Variants in EPS8L1 observed in about 807,000 individuals in gnomAD.
EPS8L1 encodes the protein EPS8 signaling adaptor L1.
Under a neutral mutation model 91.7 loss-of-function variants are expected in EPS8L1, and 101 were observed. The observed-to-expected ratio is 1.10, with a 90% confidence interval of 0.94 to 1.30. EPS8L1 has a LOEUF of 1.30. EPS8L1 is among the 50% of genes most tolerant of loss of function. The pLI, the probability that EPS8L1 is intolerant of heterozygous loss-of-function variation, is 0.00. For missense variants in EPS8L1, 1,114 were observed against 1,017.0 expected, an observed-to-expected ratio of 1.10 and a Z score of -1.30; for synonymous variants, 506 against 445.3, an observed-to-expected ratio of 1.14 and a Z score of -1.72.
rs574443771 is a variant in EPS8L1 at position 55,081,691 on chromosome 19, T to A, written c.775-82T>A. 9.1e-6 allele frequency: 14 copies of A among 1,531,598 alleles called. No individual in the cohort carries two copies. The East Asian group carries it at 3.0e-4, about 32-fold the overall frequency. 94.9% of individuals were successfully genotyped at this position (1,531,598 alleles called of 1,614,324 possible). A position where few individuals can be genotyped will look rare whatever the true frequency, so the allele number is the denominator to read the frequency against. On this transcript the variant is annotated intron_variant, in intron 8 of 19. Coordinates refer to ENST00000201647, the MANE Select transcript of EPS8L1 (RefSeq NM_133180.3). This position sits in a 1 kb window ranked among gnomAD's most constrained non-coding sequence, Gnocchi z 4.9. ...GGGCGTGGCCTGATCTGGGGAAGTG[T>A]ATAGGTGCTCAGGTTCAGGGCTTCG...
chr19:55,087,560 G>A lies in EPS8L1; in HGVS notation c.2118G>A (p.Val706=). 1.2e-6 allele frequency: 2 copies of A among 1,614,194 alleles called. No individual in the cohort carries two copies. Among genetic ancestry groups the A allele is most frequent in the Non-Finnish European group, 1.7e-6 (2 of 1,180,008 alleles). Residue 706 remains valine, a synonymous_variant, in exon 20 of 20, where the codon GTG becomes GTA. Transcript: ENST00000201647. ...AGAAAGTGTCAGAGCTGGAGGCAGTGATGGAGAAGCAAAAGAAGAAGGTGG... is the reference window on the plus strand; with the variant it reads ...AGAAAGTGTCAGAGCTGGAGGCAGTAATGGAGAAGCAAAAGAAGAAGGTGG... ...DKEKVSELEA[V]MEKQKKKVEG... is the part of the protein sequence containing the mutation.
rs898857694 is a variant in EPS8L1 at position 55,080,234 on chromosome 19, C to A, written c.385C>A (p.Arg129Ser). The A allele has an allele frequency of 6.5e-7, 1 of 1,536,480 alleles. No homozygotes were observed. Among genetic ancestry groups the A allele is most frequent in the Non-Finnish European group, 8.8e-7 (1 of 1,136,732 alleles). ...GCTGCTCGTGTGCCAGGAACCCGAG[C>A]GCGCGCAGCCCGACGTGCACTTCTT... is the stretch of plus-strand genomic sequence containing the variant. Reference protein sequence around the residue: ...LLLLVCQEPERAQPDVHFFQG... With the variant: ...LLLLVCQEPESAQPDVHFFQG... The change falls in exon 6 of 20, where the codon CGC (arginine) becomes AGC (serine). Residue 129 changes from arginine to serine, a missense_variant. Physicochemically the swap from Arg to Ser is moderately radical, Grantham distance 110. Transcript: ENST00000201647.
intron 5 of EPS8L1, 119 bp from the exon 6 acceptor site, chr19:55,080,010 G>A: frequency 2.8e-6 from 4 of 1,439,380 alleles, no homozygotes; most frequent in Non-Finnish European, 3.7e-6. Flanking sequence ...AAACAGGGCT[G>A]TTATCCCTAA....
At chr19:55,078,969 C>G in intron 3 of EPS8L1, 30 bp from the exon 4 acceptor site, 1 of 1,611,486 alleles carries the variant, frequency 6.2e-7, no homozygotes, top group Non-Finnish European at 8.5e-7. Flanking sequence ...GGCCTGGACT[C>G]CCAGGCTCAT....
At position 55,079,000 on chromosome 19, in the gene EPS8L1, G is replaced by C; in HGVS notation, c.60G>C (p.Glu20Asp). 2 of 1,613,980 alleles carry C rather than the reference G, an allele frequency of 1.2e-6. No homozygotes were observed. The highest frequency in any genetic ancestry group is 1.7e-6 in the Non-Finnish European group (2 of 1,179,920). ...CTCATTCTCTTTCTCCCCTGGCAGA[G>C]CAGAGGAAGCGTTACTCCACAGTTG... ...APKPSAKSIY[E>D]QRKRYSTVVM... Residue 20 changes from glutamate to aspartate, a missense_variant and splice_region_variant, in exon 4 of 20, where the codon GAG (glutamate) becomes GAC (aspartate). Physicochemically the swap from Glu to Asp is conservative, Grantham distance 45 (BLOSUM62 2). Transcript: ENST00000201647.
intron 16 of EPS8L1, 48 bp from the exon 17 acceptor site, chr19:55,086,344 C>A: frequency 6.2e-7 from 1 of 1,601,574 alleles, no homozygotes; most frequent in Non-Finnish European, 8.5e-7. Context: ...GAGGCTGGGA[C>A]TCTGAGTCCT....
Position 55,086,414 on chromosome 19 carries a change from C to A in EPS8L1, c.1673C>A (p.Pro558Gln). 1.9e-6 allele frequency: 3 copies of A among 1,562,258 alleles called. No individual in the cohort carries two copies. The South Asian group carries it at 3.5e-5, about 18-fold the overall frequency. Residue 558 changes from proline (P) to glutamine (Q), a missense_variant, in exon 17 of 20, where the codon CCA (proline) becomes CAA (glutamine). Pro to Gln is a moderately conservative substitution (Grantham distance 76, BLOSUM62 -1). Coordinates refer to ENST00000201647, the MANE Select transcript of EPS8L1 (RefSeq NM_133180.3). ...CAGAACAGCACTCCTCCTCCACCAC[C>A]AGCCCCAGCCCCGGCCCCACCTCCA... Reference protein sequence around the residue: ...RSLNSTPPPPPAPAPAPPPAL... With the variant: ...RSLNSTPPPPQAPAPAPPPAL...
chr19:55,077,579 CCTGT>C (rs2076154578), intron 2 of EPS8L1, among the ~76,000 whole-genome samples: 1 of 143,164 alleles, frequency 7.0e-6, no homozygotes, highest in Non-Finnish European at 1.5e-5. Context: ...CCTGACCTGA[CCTGT>C]CTTTTTTTTT....
chr19:55,086,260 C>T (rs2076351131), intron 16 of EPS8L1, 68 bp downstream of exon 16: 6 of 1,606,536 alleles, frequency 3.7e-6, no homozygotes, highest in East Asian at 4.5e-5. Context: ...GAACAAGGGG[C>T]GTGGGGATCA....
rs199704734 is a variant in EPS8L1 at position 55,081,929 on chromosome 19, C to T, written c.901+30C>T. On this transcript the variant is annotated intron_variant, in intron 9 of 19. Coordinates refer to ENST00000201647, the MANE Select transcript of EPS8L1 (RefSeq NM_133180.3). The surrounding 1 kb of genome is among the most constrained non-coding windows in gnomAD (Gnocchi z 4.9). The stretch of plus-strand genomic sequence containing the variant: ...GGGGCACCCTGGCGTGGGATCTGAA[C>T]CCCCTCCCGATCTCTTCCAAATGTC... The T allele has an allele frequency of 9.4e-6, 15 of 1,597,472 alleles. No individual in the cohort carries two copies. In the East Asian group the frequency reaches 1.4e-4, roughly 14 times the overall value.
chr19:55,079,108 C>T, intron 4 of EPS8L1, 51 bp downstream of exon 4: 1 of 1,594,732 alleles, frequency 6.3e-7, no homozygotes, highest in Non-Finnish European at 8.6e-7. Context: ...GCAAAGGTGG[C>T]CTCAGGAGAT....
chr19:55,086,302 G>A, intron 16 of EPS8L1, 90 bp from the exon 17 acceptor site: 1 of 1,610,618 alleles, frequency 6.2e-7, no homozygotes, highest in South Asian at 1.1e-5. Context: ...GGTGGTGACT[G>A]GGGGTTCAGA....
Position 55,083,151 on chromosome 19 carries a change from C to G in EPS8L1, c.1215-227C>G, listed in dbSNP as rs555795090. Among the ~76,000 whole-genome samples the G allele has an allele frequency of 1.3e-5, 2 of 152,310 alleles. No individual in the cohort carries two copies. Among genetic ancestry groups the G allele is most frequent in the African/African-American group, 4.8e-5 (2 of 41,576 alleles). ...CCTCAAGCGATCCTCCCATCTTGGC[C>G]TCCCAAAATGCTGGGATTACAGGCG... On this transcript the variant is annotated intron_variant, in intron 12 of 19. Coordinates refer to ENST00000201647, the MANE Select transcript of EPS8L1 (RefSeq NM_133180.3). The surrounding 1 kb of genome is among the most constrained non-coding windows in gnomAD (Gnocchi z 4.7).
rs760978084 is a variant in EPS8L1, at chr19:55,082,468, G to A, written c.1080G>A (p.Ser360=). ...FGPLQMIVNT[S]GGPEFASSVR... ...TCCCCTGACAGATTGTGAACACGTCGGGGGGGCCGGAGTTCGCGAGCAGTG... is the reference window on the plus strand; with the variant it reads ...TCCCCTGACAGATTGTGAACACGTCAGGGGGGCCGGAGTTCGCGAGCAGTG... The change falls in exon 12 of 20, where the codon TCG becomes TCA. Residue 360 remains serine (S), a synonymous_variant. Transcript: ENST00000201647. 2 of 1,611,728 alleles carry A rather than the reference G, an allele frequency of 1.2e-6. No homozygotes were observed. The highest frequency in any genetic ancestry group is 1.1e-5 in the South Asian group (1 of 90,952).
chr19:55,081,514 C>T lies in EPS8L1; in HGVS notation c.774+22C>T. 1 of 1,548,046 alleles carries T rather than the reference C, an allele frequency of 6.5e-7. No homozygotes were observed. The highest frequency in any genetic ancestry group is 8.7e-7 in the Non-Finnish European group (1 of 1,149,154). On this transcript the variant is annotated intron_variant, in intron 8 of 19. Coordinates refer to ENST00000201647, the MANE Select transcript of EPS8L1 (RefSeq NM_133180.3). This position sits in a 1 kb window ranked among gnomAD's most constrained non-coding sequence, Gnocchi z 4.9. ...AGTGGTGAGCCGCTAAGGAAGGGGT[C>T]TGGGGGCAGGGCCAGGCGACTGGAG...
chr19:55,086,136 C>T lies in EPS8L1; in HGVS notation c.1594C>T (p.Leu532=). 6.2e-7 allele frequency: 1 copy of T among 1,607,720 alleles called. No individual in the cohort carries two copies. The highest frequency in any genetic ancestry group is 8.5e-7 in the Non-Finnish European group (1 of 1,176,340). ...GGAGGGATATGTGCCCTACAACATC[C>T]TGACACCCTACCCCGGACCCCGGCT... is the stretch of plus-strand genomic sequence containing the variant. ...GQEGYVPYNI[L]TPYPGPRLHH... The change falls in exon 16 of 20, where the codon CTG becomes TTG. Residue 532 remains leucine, a synonymous_variant. Coordinates refer to ENST00000201647, the MANE Select transcript of EPS8L1 (RefSeq NM_133180.3).
rs1292251314 is a variant in EPS8L1, at chr19:55,086,080, A to G, written c.1538A>G (p.Lys513Arg). 1 of 1,598,286 alleles carries G rather than the reference A, an allele frequency of 6.3e-7. No individual in the cohort carries two copies. The highest frequency in any genetic ancestry group is 1.1e-5 in the South Asian group (1 of 89,204). ...ACCCAGGTCCTGGATGACAGTCGTAAGTGGTGGAAGGTTCGGGACCCAGCG... is the reference window on the plus strand; with the variant it reads ...ACCCAGGTCCTGGATGACAGTCGTAGGTGGTGGAAGGTTCGGGACCCAGCG... ...DVLEVLDDSR[K>R]WWKVRDPAGQ... Residue 513 changes from lysine to arginine, a missense_variant, in exon 16 of 20, where the codon AAG becomes AGG. Lys to Arg is a conservative substitution (Grantham distance 26). Coordinates refer to ENST00000201647, the MANE Select transcript of EPS8L1 (RefSeq NM_133180.3).
intron 18 of EPS8L1, 42 bp downstream of exon 18, chr19:55,086,930 C>T (rs1484549646): frequency 5.0e-6 from 7 of 1,403,548 alleles, no homozygotes; most frequent in East Asian, 2.8e-5. Flanking sequence ...TTGATACGGA[C>T]GCTGGGAGCG....
At position 55,087,736 on chromosome 19, in the gene EPS8L1, C is replaced by T; in HGVS notation, c.*122C>T. On this transcript the variant is annotated 3_prime_UTR_variant, in exon 20 of 20. Coordinates refer to ENST00000201647, the MANE Select transcript of EPS8L1 (RefSeq NM_133180.3). The stretch of plus-strand genomic sequence containing the variant: ...GCCAATCTGCTCCGGCCCTGGTCTT[C>T]CCCCATCCCGGTGGACAGACTTAAC... The T allele has an allele frequency of 9.9e-7, 1 of 1,009,324 alleles. No homozygotes were observed. The highest frequency in any genetic ancestry group is 1.5e-6 in the Non-Finnish European group (1 of 661,294). The allele number at this position is 1,009,324 out of a possible 1,614,324, so 62.5% of individuals were successfully genotyped here.
Sources: allele counts gnomAD v4.1 joint callset (sites outside exome capture counted in the v4.1 genomes callset), GRCh38; gene constraint gnomAD v4.1.1; non-coding constraint Gnocchi (gnomAD v3.1); transcripts MANE v1.5; gene names NCBI Gene and HGNC (gene_info 2026-07-23, HGNC 2026-07-21).